Variants in PGGHG observed in about 807,000 individuals in gnomAD.
The protein encoded by PGGHG is protein-glucosylgalactosylhydroxylysine glucosidase.
Under a neutral mutation model 74.5 loss-of-function variants are expected in PGGHG, and 67 were observed. That is an observed-to-expected ratio of 0.90 (90% CI 0.74 to 1.10). PGGHG has a LOEUF of 1.10. Among genes scored for constraint, PGGHG ranks in the 50% least tolerant of loss-of-function variants. The pLI, the probability that PGGHG is intolerant of heterozygous loss-of-function variation, is 0.00. For synonymous variants in PGGHG, 496 were observed against 419.9 expected, an observed-to-expected ratio of 1.18 and a Z score of -2.21; for missense variants, 1,034 against 981.5, an observed-to-expected ratio of 1.05 and a Z score of -0.72.
At position 290,761 on chromosome 11, in the gene PGGHG, C is replaced by G. The variant is rs950682709; in HGVS notation, c.554C>G (p.Pro185Arg). Residue 185 changes from proline (P) to arginine (R), a missense_variant, in exon 4 of 14, where the codon CCA (proline) becomes CGA (arginine). Pro to Arg is a moderately radical substitution (Grantham distance 103). Transcript: ENST00000409548. ...EVHMLWTPAP[P>R]DLTLGEGEEA... is the part of the protein sequence containing the mutation. ...CACATGCTGTGGACACCAGCACCCC[C>G]AGACCTGACCCTTGGGGAAGGTGAG... 1 of 1,612,272 alleles carries G rather than the reference C, an allele frequency of 6.2e-7. No individual in the cohort carries two copies. The highest frequency in any genetic ancestry group is 1.7e-5 in the Admixed American group (1 of 59,930).
chr11:291,169 G>T, intron 4 of PGGHG, 56 bp downstream of exon 4: 1 of 1,501,310 alleles, frequency 6.7e-7, no homozygotes, highest in South Asian at 1.3e-5. Context: ...GGAGGTCCAC[G>T]GTCTCTGCCC....
intron 6 of PGGHG, 86 bp from the exon 7 acceptor site, chr11:292,800 G>A: frequency 6.2e-7 from 1 of 1,608,266 alleles, no homozygotes; most frequent in Non-Finnish European, 8.5e-7. Flanking sequence ...GTGTCTCAAT[G>A]CCAGGCCTTG....
chr11:290,990 C>G lies in PGGHG; in HGVS notation c.783C>G (p.Tyr261Ter). 6.2e-7 allele frequency: 1 copy of G among 1,612,788 alleles called. No homozygotes were observed. Among genetic ancestry groups the G allele is most frequent in the Non-Finnish European group, 8.5e-7 (1 of 1,180,010 alleles). ...QLRQALRGSL[Y>*]YLLSALPQPK... ...GCCAGGCCCTGCGTGGCTCCCTCTA[C>G]TACCTGCTCAGTGCCCTGCCCCAGC... Residue 261 changes from tyrosine to a stop codon, truncating the protein, a stop_gained, in exon 4 of 14, where the codon TAC becomes TAG. Transcript: ENST00000409548. LOFTEE classifies it high-confidence loss of function.
At chr11:293,567 C>T (rs1408704086) in intron 9 of PGGHG, 27 bp from the exon 10 acceptor site, 11 of 1,613,144 alleles carry the variant, frequency 6.8e-6, no homozygotes, top group Non-Finnish European at 9.3e-6. Context: ...CCTGGAACAC[C>T]TTCCAGTCAG....
chr11:293,990 G>A, intron 11 of PGGHG, 65 bp downstream of exon 11: 4 of 1,589,104 alleles, frequency 2.5e-6, no homozygotes, highest in Non-Finnish European at 3.4e-6. Context: ...CAGCCTCAGA[G>A]CAGGCACAGC....
In PGGHG at chr11:292,601, A is replaced by G. The variant is rs767915781; in HGVS notation, c.1082A>G (p.Asp361Gly). 1 of 1,613,656 alleles carries G rather than the reference A, an allele frequency of 6.2e-7. No individual in the cohort carries two copies. Residue 361 changes from aspartate (D) to glycine (G), a missense_variant, in exon 6 of 14, where the codon GAC (aspartate) becomes GGC (glycine). Transcript: ENST00000409548. ...ADSGLEVCPE[D>G]IYGVQEVHVN... ...TCCGGCCTAGAGGTTTGCCCTGAGG[A>G]CATTTACGGAGTCCAGGAGGTCCAC...
At position 289,541 on chromosome 11, in the gene PGGHG, A is replaced by C. The variant is rs1314374165; in HGVS notation, c.-13-263A>C. On this transcript the variant is annotated intron_variant, in intron 1 of 13. Transcript: ENST00000409548. The surrounding 1 kb of genome is among the most constrained non-coding windows in gnomAD (Gnocchi z 5.6). ...GTTTGGAAAGCAGGGTTAGGACTGG[A>C]ATTCTAAGGTAGCAGGAGGGAGAGA... is the stretch of plus-strand genomic sequence containing the variant. 7.9e-6 allele frequency: 4 copies of C among 505,206 alleles called. No individual in the cohort carries two copies. Among genetic ancestry groups the C allele is most frequent in the Middle Eastern group, 5.1e-4 (1 of 1,978 alleles). 31.3% of individuals were successfully genotyped at this position (505,206 alleles called of 1,614,324 possible). A position where few individuals can be genotyped will look rare whatever the true frequency, so the allele number is the denominator to read the frequency against.
intron 3 of PGGHG, 36 bp from the exon 4 acceptor site, chr11:290,642 G>A: frequency 6.2e-7 from 1 of 1,607,818 alleles, no homozygotes; most frequent in Non-Finnish European, 8.5e-7. Flanking sequence ...GTCCAGGGAG[G>A]GAGCTCATCC....
intron 9 of PGGHG, 25 bp from the exon 10 acceptor site, chr11:293,569 T>G (rs1457802714): frequency 6.2e-7 from 1 of 1,613,124 alleles, no homozygotes; most frequent in African/African-American, 1.3e-5. Flanking sequence ...TGGAACACCT[T>G]CCAGTCAGCG....
chr11:289,610 G>A lies in PGGHG; in HGVS notation c.-13-194G>A, dbSNP rs972347070. ...TGGGTTCCTGGAGATCAACCTTTGG[G>A]GTCTGAGCCCCTCTGAGAGTCGAGC... On this transcript the variant is annotated intron_variant, in intron 1 of 13. Transcript: ENST00000409548. This position sits in a 1 kb window ranked among gnomAD's most constrained non-coding sequence, Gnocchi z 5.6. The A allele has an allele frequency of 1.5e-6, 1 of 663,344 alleles. No homozygotes were observed. The highest frequency in any genetic ancestry group is 2.8e-5 in the East Asian group (1 of 35,794). 41.1% of individuals were successfully genotyped at this position (663,344 alleles called of 1,614,324 possible).
rs773209706 is a variant in PGGHG, at chr11:290,660, A to G, written c.471-18A>G. ...CAGGGAGGGAGCTCATCCCTGAGGC[A>G]TGGCCACGCTCTCACAGGTACCTGT... is the stretch of plus-strand genomic sequence containing the variant. On this transcript the variant is annotated intron_variant, in intron 3 of 13. Transcript: ENST00000409548. 1 of 1,610,150 alleles carries G rather than the reference A, an allele frequency of 6.2e-7. No individual in the cohort carries two copies. Among genetic ancestry groups the G allele is most frequent in the Non-Finnish European group, 8.5e-7 (1 of 1,178,210 alleles).
chr11:294,373 T>C lies in PGGHG; in HGVS notation c.1915T>C (p.Ser639Pro). Residue 639 changes from serine (S) to proline (P), a missense_variant, in exon 13 of 14, where the codon TCC becomes CCC. Transcript: ENST00000409548. ...YQGNKLNFSFSEDSVTVEVTA... is the reference protein window; with the variant it reads ...YQGNKLNFSFPEDSVTVEVTA... ...GGGGAACAAGCTCAACTTCTCTTTT[T>C]CCGAGGACTCCGTGACCGTGGAGGT... The C allele has an allele frequency of 1.2e-6, 2 of 1,613,068 alleles. No homozygotes were observed. The highest frequency in any genetic ancestry group is 1.7e-6 in the Non-Finnish European group (2 of 1,179,960).
Position 289,554 on chromosome 11 carries a change from C to T in PGGHG, c.-13-250C>T. The T allele has an allele frequency of 1.8e-6, 1 of 541,160 alleles. No homozygotes were observed. The highest frequency in any genetic ancestry group is 3.2e-6 in the Non-Finnish European group (1 of 307,778). The allele number at this position is 541,160 out of a possible 1,614,324, so 33.5% of individuals were successfully genotyped here. ...GGTTAGGACTGGAATTCTAAGGTAG[C>T]AGGAGGGAGAGACACACTCAGGGGC... is the stretch of plus-strand genomic sequence containing the variant. On this transcript the variant is annotated intron_variant, in intron 1 of 13. Coordinates refer to ENST00000409548, the MANE Select transcript of PGGHG (RefSeq NM_025092.5). The surrounding 1 kb of genome is among the most constrained non-coding windows in gnomAD (Gnocchi z 5.6).
Position 290,389 on chromosome 11 carries a change from G to A in PGGHG, c.260-1G>A. On this transcript the variant is annotated splice_acceptor_variant, in intron 2 of 13. Coordinates refer to ENST00000409548, the MANE Select transcript of PGGHG (RefSeq NM_025092.5). LOFTEE classifies it high-confidence loss of function. ...ACCTGCCTTCGCTTCTGCCTCCCCA[G>A]GCTCCTTTCTTCACACCCTGGAGGG... The A allele has an allele frequency of 6.5e-7, 1 of 1,543,092 alleles. No individual in the cohort carries two copies. Among genetic ancestry groups the A allele is most frequent in the Middle Eastern group, 2.3e-4 (1 of 4,390 alleles).
At chr11:291,674 A>G in intron 4 of PGGHG, 1 of 350,168 alleles carries the variant, frequency 2.9e-6, no homozygotes, top group South Asian at 3.8e-5. Context: ...AGGCTCTCAG[A>G]GGCCGAGTCA....
chr11:294,162 C>G lies in PGGHG; in HGVS notation c.1774C>G (p.Leu592Val). 4 of 1,612,718 alleles carry G rather than the reference C, an allele frequency of 2.5e-6. No individual in the cohort carries two copies. Among genetic ancestry groups the G allele is most frequent in the Non-Finnish European group, 2.5e-6 (3 of 1,179,368 alleles). The change falls in exon 12 of 14, where the codon CTG becomes GTG. Residue 592 changes from leucine to valine, a missense_variant. Coordinates refer to ENST00000409548, the MANE Select transcript of PGGHG (RefSeq NM_025092.5). ...CTTCCTGACAGGCATGGGGGGCTTC[C>G]TGCAGGCGGTGGTCTTCGGGTGCAC... is the stretch of plus-strand genomic sequence containing the variant. ...VNFLTGMGGF[L>V]QAVVFGCTGF...
Position 289,499 on chromosome 11 carries a change from G to C in PGGHG, c.-14+260G>C. On this transcript the variant is annotated intron_variant, in intron 1 of 13. Transcript: ENST00000409548. The surrounding 1 kb of genome is among the most constrained non-coding windows in gnomAD (Gnocchi z 5.6). ...GACCACAGAGGGTGGGGGCAAGACC[G>C]GGGTTGTGGGGGGTGCGTTTGGAAA... The C allele has an allele frequency of 3.3e-6, 1 of 301,898 alleles. No homozygotes were observed. Among genetic ancestry groups the C allele is most frequent in the Middle Eastern group, 1.0e-3 (1 of 990 alleles). 18.7% of individuals were successfully genotyped at this position (301,898 alleles called of 1,614,324 possible).
Position 292,902 on chromosome 11 carries a change from G to C in PGGHG, c.1175G>C (p.Arg392Pro), listed in dbSNP as rs538556338. The change falls in exon 7 of 14, where the codon CGA becomes CCA. Residue 392 changes from arginine to proline, a missense_variant. Arg to Pro is a moderately radical substitution (Grantham distance 103, BLOSUM62 -2). Transcript: ENST00000409548. The stretch of plus-strand genomic sequence containing the variant: ...GCTCCCCAGGACCTGCAGCTATTTC[G>C]AGAGGCTGGTGGCTGGGACGTGGTC... ...YHTTQDLQLF[R>P]EAGGWDVVRA... 6.2e-7 allele frequency: 1 copy of C among 1,613,958 alleles called. No individual in the cohort carries two copies. Among genetic ancestry groups the C allele is most frequent in the African/African-American group, 1.3e-5 (1 of 74,924 alleles).
In PGGHG at chr11:292,646, TG is replaced by T; in HGVS notation, c.1129del (p.Ala377ProfsTer46). 6.2e-7 allele frequency: 1 copy of T among 1,613,776 alleles called. No individual in the cohort carries two copies. The highest frequency in any genetic ancestry group is 2.2e-5 in the East Asian group (1 of 44,882). On this transcript the variant is annotated frameshift_variant, in exon 6 of 14. Transcript: ENST00000409548. LOFTEE classifies it high-confidence loss of function. Reference protein sequence around the residue: ...QEVHVNGAVVLAFELYYHTTQ... With the variant: ...QEVHVNGAVVXAFELYYHTTQ... ...GTCCACGTCAACGGGGCCGTGGTGT[TG>T]GCCTTCGAGCTGTACTACCATACCA...
Sources: gnomAD v4.1 joint callset for allele counts on GRCh38, gnomAD v4.1.1 for gene constraint, Gnocchi (gnomAD v3.1) non-coding constraint, MANE v1.5 for transcripts, NCBI Gene and HGNC (gene_info 2026-07-23, HGNC 2026-07-21) for gene names.